The following FRS2 variants were observed in gnomAD, a reference collection of about 807,000 sequenced individuals.
The protein encoded by FRS2 is fibroblast growth factor receptor substrate 2.
FRS2 carries 8 observed loss-of-function variants against 43.9 expected under a neutral mutation model. That is an observed-to-expected ratio of 0.18 (90% CI 0.11 to 0.33). The LOEUF (loss-of-function observed/expected upper bound fraction) is 0.33, where lower values mean the gene tolerates loss of function less well. Among genes scored for constraint, FRS2 ranks in the 10% least tolerant of loss-of-function variants. The probability of loss-of-function intolerance (pLI) is 1.00; values close to 1 mark genes in which losing one functional copy is unlikely to be tolerated. For synonymous variants in FRS2, 219 were observed against 220.3 expected (o/e 0.99, Z 0.05); for missense variants, 534 against 627.6 (o/e 0.85, Z 1.59).
rs200103820 is a variant in FRS2, at chr12:69,575,802, GT to G, written c.*854del. On this transcript the variant is annotated 3_prime_UTR_variant, in exon 9 of 9. Transcript: ENST00000549921. Reference sequence around the variant, plus strand: ...GCCATTAGGTTTCCATTTATCTTCAGTTTTTTTCTTTGGTGTTTGGGATGTC... The same window carrying G: ...GCCATTAGGTTTCCATTTATCTTCAGTTTTTTCTTTGGTGTTTGGGATGTC... The G allele has an allele frequency of 6.6e-6, 1 of 152,506 alleles. No individual in the cohort carries two copies. The highest frequency in any genetic ancestry group is 1.5e-5 in the Non-Finnish European group (1 of 68,020). 9.4% of individuals were successfully genotyped at this position (152,506 alleles called of 1,614,324 possible).
At chr12:69,552,761 G>T (rs927700936) in intron 3 of FRS2, among the ~76,000 whole-genome samples, 2 of 151,968 alleles carry the variant, frequency 1.3e-5, no homozygotes, top group African/African-American at 2.4e-5. Flanking sequence ...GCGTGGTGGC[G>T]CATGCCTGTA....
chr12:69,517,302 T>C (rs995247384), intron 1 of FRS2, among the ~76,000 whole-genome samples: 4 of 152,238 alleles, frequency 2.6e-5, no homozygotes, highest in Admixed American at 2.6e-4. Flanking sequence ...AGCTTATATG[T>C]ATAAGGTATA....
chr12:69,556,587 G>T (rs940416075), intron 3 of FRS2, among the ~76,000 whole-genome samples: 1 of 151,986 alleles, frequency 6.6e-6, no homozygotes, highest in Admixed American at 6.5e-5. Flanking sequence ...TGGCCAAAGT[G>T]CTGGGATTAC....
At chr12:69,553,351 A>G (rs936063874) in intron 3 of FRS2, among the ~76,000 whole-genome samples, 3 of 152,174 alleles carry the variant, frequency 2.0e-5, no homozygotes, top group Admixed American at 6.5e-5. Flanking sequence ...GATTACAGGC[A>G]TGAGCCACTG....
intron 3 of FRS2, among the ~76,000 whole-genome samples, chr12:69,546,616 C>T (rs1291194795): frequency 6.6e-6 from 1 of 152,098 alleles, no homozygotes; most frequent in East Asian, 1.9e-4. Flanking sequence ...TGGTCTTGAA[C>T]TCCTATCCTC....
At chr12:69,566,958 G>C (rs1383902967) in intron 4 of FRS2, among the ~76,000 whole-genome samples, 1 of 152,164 alleles carries the variant, frequency 6.6e-6, no homozygotes, top group Non-Finnish European at 1.5e-5. Flanking sequence ...AATGTGGTGT[G>C]ACACTTCATG....
chr12:69,562,008 A>G (rs1034059479), intron 3 of FRS2, 172 bp from the exon 4 acceptor site: 1 of 364,566 alleles, frequency 2.7e-6, no homozygotes, highest in Admixed American at 4.6e-5. Context: ...ACATGTGCAT[A>G]TTATATTACT....
At chr12:69,477,384 G>A (rs946537832) in intron 1 of FRS2, among the ~76,000 whole-genome samples, 2 of 147,356 alleles carry the variant, frequency 1.4e-5, no homozygotes, top group East Asian at 2.1e-4. Context: ...CTGGGTTCAC[G>A]CCATTCTCCT....
rs776085643 is a variant in FRS2 at position 69,572,265 on chromosome 12, T to C, written c.560T>C (p.Leu187Pro). Residue 187 changes from leucine (L) to proline (P), a missense_variant, in exon 8 of 9, where the codon CTT becomes CCT. Physicochemically the swap from Leu to Pro is moderately conservative, Grantham distance 98 (BLOSUM62 -3). Transcript: ENST00000549921. ...SVGEESTHPLLVAEEQVHTYV... is the reference protein window; with the variant it reads ...SVGEESTHPLPVAEEQVHTYV... The stretch of plus-strand genomic sequence containing the variant: ...GGGGAAGAATCTACACATCCTTTGC[T>C]TGTGGCTGAGGAACAAGTAAGCATG... 10 of 1,613,628 alleles carry C rather than the reference T, an allele frequency of 6.2e-6. No individual in the cohort carries two copies. The highest frequency in any genetic ancestry group is 8.5e-6 in the Non-Finnish European group (10 of 1,179,712).
At chr12:69,533,731 G>A (rs887096531) in intron 3 of FRS2, among the ~76,000 whole-genome samples, 1 of 152,090 alleles carries the variant, frequency 6.6e-6, no homozygotes, top group Non-Finnish European at 1.5e-5. Flanking sequence ...TTTCATCGGG[G>A]TGATGAAATG....
intron 3 of FRS2, among the ~76,000 whole-genome samples, chr12:69,549,894 G>C (rs1878725378): frequency 6.6e-6 from 1 of 152,182 alleles, no homozygotes; most frequent in Admixed American, 6.5e-5. Flanking sequence ...CTTGGAGAGT[G>C]AATGTCCAGT....
Position 69,579,417 on chromosome 12 carries a change from G to A in FRS2, c.*4462G>A, listed in dbSNP as rs1437930346. 3 of 152,286 alleles carry A rather than the reference G, an allele frequency of 2.0e-5. No individual in the cohort carries two copies. The highest frequency in any genetic ancestry group is 1.9e-4 in the East Asian group (1 of 5,178). 9.4% of individuals were successfully genotyped at this position (152,286 alleles called of 1,614,324 possible). ...AAGTCAGAGTTCTTTACAATCAAAC[G>A]TTTATTAACTGGAGTACTTAGAATA... On this transcript the variant is annotated 3_prime_UTR_variant, in exon 9 of 9. Transcript: ENST00000549921.
chr12:69,519,769 A>G (rs893503142), intron 1 of FRS2, among the ~76,000 whole-genome samples: 5 of 152,200 alleles, frequency 3.3e-5, no homozygotes, highest in African/African-American at 1.2e-4. Context: ...TTAGTATTCC[A>G]TGTTGTATAT....
At chr12:69,498,193 G>C (rs1191005154) in intron 1 of FRS2, among the ~76,000 whole-genome samples, 1 of 152,174 alleles carries the variant, frequency 6.6e-6, no homozygotes, top group Non-Finnish European at 1.5e-5. Flanking sequence ...CTGACAGGAA[G>C]ATTGCAGTCT....
At chr12:69,477,932 G>A (rs1033975162) in intron 1 of FRS2, among the ~76,000 whole-genome samples, 1 of 150,878 alleles carries the variant, frequency 6.6e-6, no homozygotes, top group Non-Finnish European at 1.5e-5. Flanking sequence ...TAGTAGAGAC[G>A]GGGTTTCACC....
At chr12:69,524,711 G>A (rs1056718210) in intron 1 of FRS2, among the ~76,000 whole-genome samples, 6 of 152,152 alleles carry the variant, frequency 3.9e-5, no homozygotes, top group African/African-American at 1.2e-4. Context: ...ATCCCTGGCC[G>A]TGTTCCACTA....
chr12:69,523,874 C>T (rs929915519), intron 1 of FRS2, among the ~76,000 whole-genome samples: 1 of 152,218 alleles, frequency 6.6e-6, no homozygotes, highest in South Asian at 2.1e-4. Context: ...TCCAGGAACA[C>T]TGGTCACCAC....
At chr12:69,568,422 T>C (rs563171756) in intron 4 of FRS2, among the ~76,000 whole-genome samples, 4 of 152,230 alleles carry the variant, frequency 2.6e-5, no homozygotes, top group South Asian at 2.1e-4. Flanking sequence ...CCAGGTCTGG[T>C]AGTCCTGTAG....
chr12:69,505,271 C>T (rs1472409516), intron 1 of FRS2, among the ~76,000 whole-genome samples: 1 of 152,166 alleles, frequency 6.6e-6, no homozygotes, highest in Non-Finnish European at 1.5e-5. Flanking sequence ...TAGTAGTCAA[C>T]TTTTGGCTTA....
Sources: gnomAD v4.1 joint callset for allele counts (sites outside exome capture counted in the v4.1 genomes callset) on GRCh38, gnomAD v4.1.1 for gene constraint, MANE v1.5 for transcripts, NCBI Gene and HGNC (gene_info 2026-07-23, HGNC 2026-07-21) for gene names.